The following ANO4 variants were observed in gnomAD, a reference collection of about 807,000 sequenced individuals.
ANO4 encodes the protein anoctamin-4.
A neutral mutation model predicts 141.9 loss-of-function variants in ANO4; 69 were observed. That is an observed-to-expected ratio of 0.49 (90% CI 0.40 to 0.59). ANO4 has a LOEUF of 0.59. Ranked by LOEUF, ANO4 falls within the 20% of genes least tolerant of loss-of-function variation. The probability of loss-of-function intolerance (pLI) is 0.00; values close to 1 mark genes in which losing one functional copy is unlikely to be tolerated. For synonymous variants in ANO4, 350 were observed against 394.3 expected, an observed-to-expected ratio of 0.89 and a Z score of 1.33; for missense variants, 894 against 1,162.2, an observed-to-expected ratio of 0.77 and a Z score of 3.36.
At chr12:100,971,065 G>C (rs951471920) in intron 5 of ANO4, among the ~76,000 whole-genome samples, 1 of 152,186 alleles carries the variant, frequency 6.6e-6, no homozygotes. Context: ...CATTTTTGTA[G>C]AATGTAAATG....
chr12:100,809,635 T>C (rs1445468886), intron 1 of ANO4, among the ~76,000 whole-genome samples: 1 of 152,164 alleles, frequency 6.6e-6, no homozygotes, highest in Non-Finnish European at 1.5e-5. Context: ...ATTCAGTCTA[T>C]GGGGCTTAGG....
chr12:101,082,670 A>AGG (rs1458975052), intron 15 of ANO4, among the ~76,000 whole-genome samples: 186 of 152,316 alleles, frequency 1.2e-3, no homozygotes, highest in African/African-American at 4.4e-3. Flanking sequence ...ATTCAGTGGC[A>AGG]GGAGCCAGGC....
At chr12:101,064,131 C>T (rs1162500356) in intron 14 of ANO4, among the ~76,000 whole-genome samples, 1 of 151,922 alleles carries the variant, frequency 6.6e-6, no homozygotes, top group East Asian at 1.9e-4. Context: ...TGAGGTCTTT[C>T]TCATTTTCAA....
At chr12:100,954,133 A>C (rs779881211) in intron 5 of ANO4, among the ~76,000 whole-genome samples, 1 of 152,136 alleles carries the variant, frequency 6.6e-6, no homozygotes, top group Non-Finnish European at 1.5e-5. Context: ...ATTCTTCCCT[A>C]GTACTTATAA....
intron 8 of ANO4, among the ~76,000 whole-genome samples, chr12:101,014,668 C>T (rs759015276): frequency 1.1e-4 from 17 of 152,058 alleles, no homozygotes; most frequent in African/African-American, 3.6e-4. Context: ...TACATTAGCC[C>T]GTCAAAGTAG....
chr12:101,003,850 G>A (rs973558974), intron 8 of ANO4, among the ~76,000 whole-genome samples: 1 of 152,100 alleles, frequency 6.6e-6, no homozygotes. Context: ...TTTAGAAAAG[G>A]AATTTTCCAT....
chr12:100,727,909 A>G lies in ANO4; in HGVS notation c.23-5865A>G, dbSNP rs148643440. Among the ~76,000 whole-genome samples the G allele has an allele frequency of 9.9e-5, 15 of 152,248 alleles. No individual in the cohort carries two copies. The East Asian group carries it at 2.7e-3, about 27-fold the overall frequency. On this transcript the variant is annotated intron_variant, in intron 1 of 29. Coordinates refer to the ANO4 transcript ENST00000644049. ...TAATTGCCCTTGTACTTTTACTTCAATCTTACTTAACAAATTCTACACCTA... is the reference window on the plus strand; with the variant it reads ...TAATTGCCCTTGTACTTTTACTTCAGTCTTACTTAACAAATTCTACACCTA...
At chr12:100,832,670 A>G (rs2036691069) in intron 1 of ANO4, among the ~76,000 whole-genome samples, 6 of 152,138 alleles carry the variant, frequency 3.9e-5, no homozygotes, top group Admixed American at 3.9e-4. Flanking sequence ...TTGCTTATGT[A>G]TTTGTTCAGA....
chr12:101,077,496 C>T (rs1162476337), intron 14 of ANO4, among the ~76,000 whole-genome samples: 2 of 152,158 alleles, frequency 1.3e-5, no homozygotes, highest in Non-Finnish European at 2.9e-5. Context: ...AGCTGCTCAG[C>T]ATTGACACAG....
chr12:100,994,558 G>C (rs2045284384), intron 8 of ANO4, among the ~76,000 whole-genome samples: 1 of 152,150 alleles, frequency 6.6e-6, no homozygotes, highest in Non-Finnish European at 1.5e-5. Flanking sequence ...AAATGTGCTA[G>C]ATATAGACAG....
chr12:100,958,989 ATG>A (rs1481172230), intron 5 of ANO4, among the ~76,000 whole-genome samples: 2 of 152,120 alleles, frequency 1.3e-5, no homozygotes, highest in Non-Finnish European at 2.9e-5. Context: ...ACTGAAGGTG[ATG>A]TTTGACCAAG....
intron 8 of ANO4, among the ~76,000 whole-genome samples, chr12:101,004,713 G>T (rs913840355): frequency 3.9e-5 from 6 of 152,146 alleles, no homozygotes; most frequent in Non-Finnish European, 7.4e-5. Context: ...TTTGGCTAAA[G>T]TCATCCTCAA....
intron 1 of ANO4, among the ~76,000 whole-genome samples, chr12:100,895,028 A>G (rs1407391086): frequency 6.6e-6 from 1 of 151,718 alleles, no homozygotes; most frequent in Admixed American, 6.5e-5. Context: ...TTCAGACCTG[A>G]GAGTAACCAA....
chr12:100,923,738 T>C (rs1364731570), intron 3 of ANO4, among the ~76,000 whole-genome samples: 1 of 152,158 alleles, frequency 6.6e-6, no homozygotes, highest in Non-Finnish European at 1.5e-5. Flanking sequence ...GTTGAACTAA[T>C]TTACACTCCC....
intron 5 of ANO4, among the ~76,000 whole-genome samples, chr12:100,943,652 A>C (rs1402505057): frequency 6.6e-6 from 1 of 152,310 alleles, no homozygotes; most frequent in East Asian, 1.9e-4. Flanking sequence ...TATTCTCAGG[A>C]AAGAAGAACC....
chr12:100,830,122 A>G (rs1179928038), intron 1 of ANO4, among the ~76,000 whole-genome samples: 1 of 152,138 alleles, frequency 6.6e-6, no homozygotes, highest in Non-Finnish European at 1.5e-5. Flanking sequence ...AAGAATATAC[A>G]TGAAAGCAGT....
chr12:100,911,287 T>C (rs576791524), intron 2 of ANO4, among the ~76,000 whole-genome samples: 19 of 152,314 alleles, frequency 1.2e-4, no homozygotes, highest in African/African-American at 4.6e-4. Flanking sequence ...GAAGGCAAGA[T>C]TCTAGCTCAG....
chr12:100,983,258 T>C (rs1332112964), intron 7 of ANO4, among the ~76,000 whole-genome samples: 1 of 152,202 alleles, frequency 6.6e-6, no homozygotes, highest in Non-Finnish European at 1.5e-5. Context: ...CCTGGCTAGC[T>C]GTTGCCAGGT....
At chr12:100,821,527 A>G (rs1472498057) in intron 1 of ANO4, among the ~76,000 whole-genome samples, 2 of 146,104 alleles carry the variant, frequency 1.4e-5, no homozygotes, top group Non-Finnish European at 3.0e-5. Flanking sequence ...GTAATCATAG[A>G]GTCAGAGAAA....
Sources: allele counts gnomAD v4.1 joint callset (sites outside exome capture counted in the v4.1 genomes callset), GRCh38; gene constraint gnomAD v4.1.1; transcripts MANE v1.5; gene names NCBI Gene and HGNC (gene_info 2026-07-23, HGNC 2026-07-21).